Variants in ST3GAL3 observed in about 807,000 individuals in gnomAD.
ST3GAL3 encodes the protein CMP-N-acetylneuraminate-beta-1,4-galactoside alpha-2,3-sialyltransferase.
Under a neutral mutation model 50.1 loss-of-function variants are expected in ST3GAL3, and 21 were observed. The ratio of observed to expected loss-of-function variants is 0.42; its 90% CI spans 0.30 to 0.60. The LOEUF is 0.60. Among genes scored for constraint, ST3GAL3 ranks in the 20% least tolerant of loss-of-function variants. The pLI, the probability that ST3GAL3 is intolerant of heterozygous loss-of-function variation, is 0.19. For missense variants in ST3GAL3, 353 were observed against 489.4 expected (o/e 0.72, Z 2.63); for synonymous variants, 183 against 190.0 (o/e 0.96, Z 0.30).
At chr1:43,744,460 C>T (rs1397637533) in intron 2 of ST3GAL3, among the ~76,000 whole-genome samples, 1 of 151,716 alleles carries the variant, frequency 6.6e-6, no homozygotes, top group African/African-American at 2.4e-5. Context: ...AGGCTGGTCT[C>T]GAACTCCTGA....
Position 43,858,039 on chromosome 1 carries a change from G to A in ST3GAL3, c.302+19728G>A, listed in dbSNP as rs368668998. ...TTCACAGATGGTTTGAGAAGTGTCG[G>A]ACTACAGTGGAAAGAACAGGTTTTT... On this transcript the variant is annotated intron_variant, in intron 5 of 11. Transcript: ENST00000347631. The A allele has an allele frequency of 6.4e-5, 58 of 911,466 alleles. No individual in the cohort carries two copies. In the African/African-American group the frequency reaches 8.2e-4, roughly 13 times the overall value. The allele number at this position is 911,466 out of a possible 1,614,324, so 56.5% of individuals were successfully genotyped here. A position where few individuals can be genotyped will look rare whatever the true frequency, so the allele number is the denominator to read the frequency against.
chr1:43,844,068 G>A (rs1241596883), intron 5 of ST3GAL3, among the ~76,000 whole-genome samples: 1 of 152,196 alleles, frequency 6.6e-6, no homozygotes, highest in Non-Finnish European at 1.5e-5. Flanking sequence ...TTATTATAAA[G>A]GATATCATAA....
chr1:43,918,266 C>T (rs571420488), intron 9 of ST3GAL3, among the ~76,000 whole-genome samples: 7 of 151,892 alleles, frequency 4.6e-5, no homozygotes, highest in South Asian at 2.1e-4. Flanking sequence ...TACAGGCACA[C>T]GCCACCATGC....
At chr1:43,734,653 G>A (rs909007032) in intron 1 of ST3GAL3, among the ~76,000 whole-genome samples, 2 of 152,056 alleles carry the variant, frequency 1.3e-5, no homozygotes, top group African/African-American at 2.4e-5. Context: ...TGGTTTTTAA[G>A]AATGTGTTGA....
intron 5 of ST3GAL3, among the ~76,000 whole-genome samples, chr1:43,854,771 A>G (rs2068017702): frequency 6.6e-6 from 1 of 152,192 alleles, no homozygotes; most frequent in Admixed American, 6.6e-5. Context: ...ATTTCAGGAA[A>G]TGGCACCACT....
At chr1:43,816,163 T>C (rs964782956) in intron 4 of ST3GAL3, among the ~76,000 whole-genome samples, 12 of 152,164 alleles carry the variant, frequency 7.9e-5, no homozygotes, top group African/African-American at 2.9e-4. Context: ...CAGAATTGTG[T>C]CTCTTTCCTT....
intron 2 of ST3GAL3, among the ~76,000 whole-genome samples, chr1:43,765,583 T>C (rs1352682298): frequency 2.6e-5 from 4 of 152,142 alleles, no homozygotes; most frequent in Admixed American, 1.3e-4. Context: ...CATCATAGTA[T>C]CATAGTTTTA....
intron 5 of ST3GAL3, chr1:43,851,147 A>G: frequency 5.4e-6 from 7 of 1,293,714 alleles, no homozygotes; most frequent in Non-Finnish European, 7.9e-6. Context: ...TCCTGCACTG[A>G]TCAGCTTCGG....
At chr1:43,818,895 A>T (rs980366234) in intron 4 of ST3GAL3, among the ~76,000 whole-genome samples, 1 of 152,178 alleles carries the variant, frequency 6.6e-6, no homozygotes, top group Non-Finnish European at 1.5e-5. Context: ...AGACATAAGA[A>T]ATTATTTATA....
chr1:43,769,380 T>G (rs1354093707), intron 2 of ST3GAL3, among the ~76,000 whole-genome samples: 1 of 152,130 alleles, frequency 6.6e-6, no homozygotes, highest in African/African-American at 2.4e-5. Context: ...TTTTCTAATA[T>G]TGAGCTGAAT....
chr1:43,729,613 G>A (rs1330990187), intron 1 of ST3GAL3, among the ~76,000 whole-genome samples: 2 of 152,142 alleles, frequency 1.3e-5, no homozygotes, highest in Non-Finnish European at 2.9e-5. Flanking sequence ...CCCCAGGCAT[G>A]TGTGACTCTC....
At position 43,928,631 on chromosome 1, in the gene ST3GAL3, G is replaced by A. The variant is rs185679695; in HGVS notation, c.1039-1501G>A. Among the ~76,000 whole-genome samples the A allele has an allele frequency of 4.6e-3, 694 of 151,232 alleles. 10 individuals are homozygous for A. The highest frequency in any genetic ancestry group is 7.0e-3 in the Non-Finnish European group (475 of 67,838). On this transcript the variant is annotated intron_variant, in intron 11 of 11. Transcript: ENST00000347631. ...AAAACAAAAACATTTATGGTGGTCC[G>A]GGCACGGTGGCTCATGCCTGTAATC... is the stretch of plus-strand genomic sequence containing the variant.
chr1:43,708,677 G>A (rs1040070459), intron 1 of ST3GAL3, among the ~76,000 whole-genome samples: 3 of 152,142 alleles, frequency 2.0e-5, no homozygotes, highest in African/African-American at 7.2e-5. Context: ...ATCTCTTAAG[G>A]CAATACAGCT....
rs1252503265 is a variant in ST3GAL3 at position 43,726,675 on chromosome 1, GC to G, written c.-30-9556del. Among the ~76,000 whole-genome samples the G allele has an allele frequency of 2.6e-5, 4 of 152,156 alleles. No homozygotes were observed. In the East Asian group the frequency reaches 7.7e-4, roughly 29 times the overall value. ...AGTGGCACGATCTTGGCTCACTGCA[GC>G]CTCCGCCTGCCGAGTTCAAGCAATT... On this transcript the variant is annotated intron_variant, in intron 1 of 11. Coordinates refer to ENST00000347631, the MANE Select transcript of ST3GAL3 (RefSeq NM_006279.5).
At chr1:43,815,451 A>C (rs1254339363) in intron 4 of ST3GAL3, among the ~76,000 whole-genome samples, 1 of 152,142 alleles carries the variant, frequency 6.6e-6, no homozygotes, top group Admixed American at 6.5e-5. Flanking sequence ...TTGGAAAACT[A>C]AAAAAACTAC....
At chr1:43,763,523 G>A (rs1269193652) in intron 2 of ST3GAL3, among the ~76,000 whole-genome samples, 3 of 152,146 alleles carry the variant, frequency 2.0e-5, no homozygotes, top group Non-Finnish European at 4.4e-5. Context: ...GCCAATCAGC[G>A]TTGCCTTCTG....
At chr1:43,807,191 C>T (rs1371936581) in intron 3 of ST3GAL3, among the ~76,000 whole-genome samples, 3 of 151,770 alleles carry the variant, frequency 2.0e-5, no homozygotes, top group South Asian at 4.1e-4. Flanking sequence ...TTGAGGCAGG[C>T]GGATTACCTG....
At chr1:43,891,635 A>G (rs1301895832) in intron 5 of ST3GAL3, among the ~76,000 whole-genome samples, 3 of 152,224 alleles carry the variant, frequency 2.0e-5, no homozygotes, top group African/African-American at 7.2e-5. Context: ...GACATATATC[A>G]AATACATGAA....
At chr1:43,729,017 GT>G (rs761769591) in intron 1 of ST3GAL3, among the ~76,000 whole-genome samples, 11 of 151,270 alleles carry the variant, frequency 7.3e-5, no homozygotes, top group South Asian at 2.1e-4. Context: ...AGACTCCTGA[GT>G]AACTGGGACT....
Sources: allele counts gnomAD v4.1 joint callset (sites outside exome capture counted in the v4.1 genomes callset), GRCh38; gene constraint gnomAD v4.1.1; transcripts MANE v1.5; gene names NCBI Gene and HGNC (gene_info 2026-07-23, HGNC 2026-07-21).